The following TLL2 variants were observed in gnomAD, a reference collection of about 807,000 sequenced individuals.
TLL2 encodes the protein tolloid like 2.
A neutral mutation model predicts 123.0 loss-of-function variants in TLL2; 106 were observed. The ratio of observed to expected loss-of-function variants is 0.86; its 90% CI spans 0.74 to 1.01. TLL2 has a LOEUF of 1.01. TLL2 is among the 50% of genes least tolerant of loss of function. The probability of loss-of-function intolerance (pLI) is 0.00; values close to 1 mark genes in which losing one functional copy is unlikely to be tolerated. For synonymous variants in TLL2, 494 were observed against 516.8 expected (o/e 0.96, Z 0.60); for missense variants, 1,332 against 1,336.7 (o/e 1.00, Z 0.06).
At chr10:96,383,301 T>C (rs1212407903) in intron 16 of TLL2, among the ~76,000 whole-genome samples, 1 of 152,224 alleles carries the variant, frequency 6.6e-6, no homozygotes, top group Non-Finnish European at 1.5e-5. Flanking sequence ...AAAATTCCTG[T>C]TCATGTGTGA....
At chr10:96,480,813 C>T (rs927270731) in intron 1 of TLL2, among the ~76,000 whole-genome samples, 3 of 152,176 alleles carry the variant, frequency 2.0e-5, no homozygotes, top group African/African-American at 2.4e-5. Flanking sequence ...TAGAAGAAAA[C>T]GAATAATGTG....
At chr10:96,393,721 TTTTTTTTTC>T (rs200523541) in intron 13 of TLL2, among the ~76,000 whole-genome samples, 4,971 of 105,920 alleles carry the variant, frequency 0.047, 243 homozygotes, top group African/African-American at 0.13. Flanking sequence ...ATGGCCTGGC[TTTTTTTTTC>T]TTTTTTTTCT....
intron 2 of TLL2, among the ~76,000 whole-genome samples, chr10:96,447,392 CA>C: frequency 6.6e-6 from 1 of 152,324 alleles, no homozygotes; most frequent in East Asian, 1.9e-4. Context: ...CACAGGCAGA[CA>C]AAAGCAGAAG....
At chr10:96,383,290 C>G (rs771637877) in intron 16 of TLL2, among the ~76,000 whole-genome samples, 1 of 152,192 alleles carries the variant, frequency 6.6e-6, no homozygotes. Flanking sequence ...AGTGTCTTCC[C>G]AAAATTCCTG....
At chr10:96,452,683 T>C (rs891224664) in intron 2 of TLL2, among the ~76,000 whole-genome samples, 1 of 152,232 alleles carries the variant, frequency 6.6e-6, no homozygotes, top group Non-Finnish European at 1.5e-5. Flanking sequence ...CCAGAATCCA[T>C]GCTCACAAAG....
At chr10:96,412,008 A>T (rs1368268738) in intron 8 of TLL2, among the ~76,000 whole-genome samples, 2 of 152,224 alleles carry the variant, frequency 1.3e-5, no homozygotes, top group Non-Finnish European at 2.9e-5. Context: ...GTGGCTCCAC[A>T]GTATTTTGCT....
chr10:96,428,806 C>T (rs1030715102), intron 4 of TLL2, 58 bp from the exon 5 acceptor site: 5 of 1,080,082 alleles, frequency 4.6e-6, no homozygotes, highest in Non-Finnish European at 5.4e-6. Flanking sequence ...TCTTTAGATG[C>T]TTTTTTTTTT....
At position 96,387,068 on chromosome 10, in the gene TLL2, C is replaced by G. The variant is rs1316093724; in HGVS notation, c.1737G>C (p.Glu579Asp). The G allele has an allele frequency of 5.0e-6, 8 of 1,613,316 alleles. No individual in the cohort carries two copies. The highest frequency in any genetic ancestry group is 6.8e-6 in the Non-Finnish European group (8 of 1,179,428). ...ACCCGCCGTGATCTGGCCAGGAACA[C>G]TCATCCACCTCTGGTGGGGAAGGAA... ...FAANFFKEVD[E>D]CSWPDHGGCE... The change falls in exon 14 of 21, where the codon GAG (glutamate) becomes GAC (aspartate). Residue 579 changes from glutamate (E) to aspartate (D), a missense_variant. Transcript: ENST00000357947.
intron 2 of TLL2, among the ~76,000 whole-genome samples, chr10:96,467,948 A>T (rs747477364): frequency 2.2e-4 from 34 of 152,204 alleles, no homozygotes; most frequent in Non-Finnish European, 3.2e-4. Flanking sequence ...CCATGTATTA[A>T]GATGGCTGGT....
chr10:96,382,100 C>G (rs1212400020), intron 16 of TLL2, among the ~76,000 whole-genome samples: 1 of 151,960 alleles, frequency 6.6e-6, no homozygotes, highest in Non-Finnish European at 1.5e-5. Flanking sequence ...CGGCATCTTG[C>G]TCTGTCACCC....
chr10:96,368,534 C>T (rs1011286879), intron 20 of TLL2, among the ~76,000 whole-genome samples: 5 of 152,204 alleles, frequency 3.3e-5, no homozygotes, highest in African/African-American at 9.6e-5. Context: ...TTACAGCAAC[C>T]TTATAAGGCA....
At chr10:96,443,641 C>T (rs1221043960) in intron 3 of TLL2, among the ~76,000 whole-genome samples, 1 of 152,160 alleles carries the variant, frequency 6.6e-6, no homozygotes, top group Non-Finnish European at 1.5e-5. Flanking sequence ...CTTTATGCAA[C>T]AATAAATCAC....
chr10:96,394,834 C>A (rs1008865989), intron 13 of TLL2, among the ~76,000 whole-genome samples: 1 of 152,206 alleles, frequency 6.6e-6, no homozygotes, highest in Admixed American at 6.5e-5. Flanking sequence ...AAGTCAAGTA[C>A]CTTACACAGT....
intron 10 of TLL2, among the ~76,000 whole-genome samples, chr10:96,397,765 C>A (rs1192115999): frequency 6.6e-6 from 1 of 152,138 alleles, no homozygotes; most frequent in African/African-American, 2.4e-5. Flanking sequence ...ACCATCTTGG[C>A]GTTTACATTT....
Position 96,432,873 on chromosome 10 carries a change from T to C in TLL2, c.454A>G (p.Thr152Ala), listed in dbSNP as rs1032846316. ...TFSPRVRRAT[T>A]SRTERIWPGG... ...GGCCATATCCTCTCTGTCCTTGAGGTTGTGGCTCTTCGGACCCGGGGAGAG... is the reference window on the plus strand; with the variant it reads ...GGCCATATCCTCTCTGTCCTTGAGGCTGTGGCTCTTCGGACCCGGGGAGAG... Residue 152 changes from threonine (T) to alanine (A), a missense_variant, in exon 4 of 21, where the codon ACC becomes GCC. Transcript: ENST00000357947. 16 of 1,613,918 alleles carry C rather than the reference T, an allele frequency of 9.9e-6. No homozygotes were observed. Among genetic ancestry groups the C allele is most frequent in the African/African-American group, 2.7e-5 (2 of 74,874 alleles).
chr10:96,500,189 A>T (rs1478800271), intron 1 of TLL2, among the ~76,000 whole-genome samples: 1 of 151,070 alleles, frequency 6.6e-6, no homozygotes, highest in African/African-American at 2.4e-5. Context: ...GTTGTGGTGC[A>T]CACCTATAGT....
chr10:96,487,458 C>T (rs1289796771), intron 1 of TLL2, among the ~76,000 whole-genome samples: 2 of 152,082 alleles, frequency 1.3e-5, no homozygotes, highest in African/African-American at 2.4e-5. Context: ...CTCAACCAGA[C>T]AATATTAACC....
intron 2 of TLL2, among the ~76,000 whole-genome samples, chr10:96,467,920 A>T (rs61857628): frequency 0.11 from 16,314 of 152,246 alleles, 1,122 homozygotes; most frequent in Non-Finnish European, 0.15. Context: ...AGCACTCATG[A>T]GACTGTGTCC....
chr10:96,469,616 G>A (rs1321709480), intron 2 of TLL2, among the ~76,000 whole-genome samples: 1 of 152,178 alleles, frequency 6.6e-6, no homozygotes, highest in Non-Finnish European at 1.5e-5. Context: ...AGAGGGCAGT[G>A]GCTCCCCCAA....
Sources: gnomAD v4.1 joint callset for allele counts (sites outside exome capture counted in the v4.1 genomes callset) on GRCh38, gnomAD v4.1.1 for gene constraint, MANE v1.5 for transcripts, NCBI Gene and HGNC (gene_info 2026-07-23, HGNC 2026-07-21) for gene names.